PCDHA6: variants seen among roughly 807,000 people sequenced by gnomAD.
PCDHA6 encodes protocadherin alpha-6.
Under a neutral mutation model 60.3 loss-of-function variants are expected in PCDHA6, and 55 were observed. That is an observed-to-expected ratio of 0.91 (90% CI 0.73 to 1.14). The LOEUF is 1.14. Ranked by LOEUF, PCDHA6 falls within the 50% of genes most tolerant of loss-of-function variation. The pLI is 0.00. For missense variants in PCDHA6, 1,327 were observed against 1,256.5 expected (o/e 1.06, Z -0.85); for synonymous variants, 652 against 557.9 (o/e 1.17, Z -2.38).
chr5:140,853,310 T>C lies in PCDHA6; in HGVS notation c.2394+22825T>C, dbSNP rs2042704013. On this transcript the variant is annotated intron_variant, in intron 1 of 3. Coordinates refer to ENST00000529310, the MANE Select transcript of PCDHA6 (RefSeq NM_018909.4). ...ATTCTCAGAAGGGCTGTGAACACCT[T>C]AGTAATAAATTTATCTTTTGAGGTC... The C allele has an allele frequency of 3.0e-6, 3 of 983,796 alleles. 1 individual carries two copies. The highest frequency in any genetic ancestry group is 3.7e-6 in the Non-Finnish European group (3 of 816,256). 60.9% of individuals were successfully genotyped at this position (983,796 alleles called of 1,614,324 possible). A position where few individuals can be genotyped will look rare whatever the true frequency, so the allele number is the denominator to read the frequency against.
chr5:140,945,801 C>T (rs1371269109), intron 1 of PCDHA6, among the ~76,000 whole-genome samples: 2 of 152,026 alleles, frequency 1.3e-5, no homozygotes, highest in East Asian at 3.9e-4. Context: ...GAAACTAGAC[C>T]CTTATCTCAC....
At chr5:140,962,077 G>T (rs2095655013) in intron 1 of PCDHA6, among the ~76,000 whole-genome samples, 1 of 151,866 alleles carries the variant, frequency 6.6e-6, no homozygotes, top group South Asian at 2.1e-4. Flanking sequence ...AGTAGAGACG[G>T]GGTTTCACCA....
chr5:140,849,573 A>T, intron 1 of PCDHA6: 1 of 1,598,648 alleles, frequency 6.3e-7, no homozygotes. Flanking sequence ...GGTTCCTGTA[A>T]AAGAGGACGC....
intron 1 of PCDHA6, among the ~76,000 whole-genome samples, chr5:140,913,111 T>C (rs2076211610): frequency 6.6e-6 from 1 of 152,194 alleles, no homozygotes; most frequent in Non-Finnish European, 1.5e-5. Context: ...TAGAATCAGT[T>C]TGGAAGTTAA....
At position 140,850,688 on chromosome 5, in the gene PCDHA6, G is replaced by T. The variant is rs370343489; in HGVS notation, c.2394+20203G>T. ...GCTCGGCGATGCCCACCGAGGGCGA[G>T]TGCGCGCCTGGCAAGCCGACGCTGG... On this transcript the variant is annotated intron_variant, in intron 1 of 3. Coordinates refer to ENST00000529310, the MANE Select transcript of PCDHA6 (RefSeq NM_018909.4). The T allele has an allele frequency of 5.0e-6, 8 of 1,598,504 alleles. 1 individual carries two copies. Among genetic ancestry groups the T allele is most frequent in the Non-Finnish European group, 6.9e-6 (8 of 1,167,882 alleles).
In PCDHA6 at chr5:140,901,962, G is replaced by A. The variant is rs148280805; in HGVS notation, c.2394+71477G>A. The stretch of plus-strand genomic sequence containing the variant: ...ATATTTAGTTTTATTCGTGGCTATC[G>A]TAAATGGGATTACTTTTTAATTTCA... On this transcript the variant is annotated intron_variant, in intron 1 of 3. Coordinates refer to ENST00000529310, the MANE Select transcript of PCDHA6 (RefSeq NM_018909.4). Among the ~76,000 whole-genome samples, 1,226 of 152,004 alleles carry A rather than the reference G, an allele frequency of 8.1e-3. 6 individuals carry two copies. The highest frequency in any genetic ancestry group is 0.019 in the African/African-American group (785 of 41,468).
intron 1 of PCDHA6, chr5:140,867,711 G>T (rs1202135456): frequency 2.0e-5 from 3 of 151,816 alleles, no homozygotes; most frequent in Non-Finnish European, 2.9e-5. Flanking sequence ...AATCCTAAGG[G>T]TATATGAAAA....
At chr5:140,968,460 C>G (rs1554230749) in intron 1 of PCDHA6, 1 of 1,614,096 alleles carries the variant, frequency 6.2e-7, no homozygotes, top group Non-Finnish European at 8.5e-7. Flanking sequence ...ACTGTGACTG[C>G]CAACGTATAT....
chr5:140,890,915 G>A (rs1169684735), intron 1 of PCDHA6, among the ~76,000 whole-genome samples: 4 of 152,116 alleles, frequency 2.6e-5, no homozygotes, highest in African/African-American at 9.7e-5. Flanking sequence ...AGAATAATTT[G>A]AGAGTTTCCT....
intron 1 of PCDHA6, among the ~76,000 whole-genome samples, chr5:140,937,823 A>T (rs2091776135): frequency 6.6e-6 from 1 of 151,692 alleles, no homozygotes; most frequent in Admixed American, 6.6e-5. Context: ...GAGGCAGGAG[A>T]ATGGCATGAA....
intron 1 of PCDHA6, chr5:140,875,640 G>A (rs782266115): frequency 2.5e-6 from 4 of 1,613,688 alleles, no homozygotes; most frequent in Non-Finnish European, 3.4e-6. Context: ...GGCTGGAGCT[G>A]GCGGAGCTGG....
In PCDHA6 at chr5:140,982,550, C is replaced by T. The variant is rs1554244485; in HGVS notation, c.2529C>T (p.Ser843=). ...CTGATCAGCAGTGGCCAACAGTATC[C>T]AGTGCAACACCAGGTAAAGAGCTGG... The part of the protein sequence containing the change: ...GGPDQQWPTV[S]SATPEPEAGE... The change falls in exon 3 of 4, where the codon TCC becomes TCT. Residue 843 remains serine, a synonymous_variant. Transcript: ENST00000529310. The T allele has an allele frequency of 6.2e-7, 1 of 1,614,176 alleles. No homozygotes were observed. The highest frequency in any genetic ancestry group is 1.7e-5 in the Admixed American group (1 of 60,028).
At position 140,836,012 on chromosome 5, in the gene PCDHA6, G is replaced by A. The variant is rs2150250608; in HGVS notation, c.2394+5527G>A. ...TGAGCGCGCGCGATGCGGGCGTGCC[G>A]CCTCTGGGCAGCAACGTGACGCTGC... On this transcript the variant is annotated intron_variant, in intron 1 of 3. Coordinates refer to ENST00000529310, the MANE Select transcript of PCDHA6 (RefSeq NM_018909.4). 1.8e-5 allele frequency: 29 copies of A among 1,613,192 alleles called. No individual in the cohort carries two copies. In the Admixed American group the frequency reaches 4.3e-4, roughly 24 times the overall value.
intron 1 of PCDHA6, chr5:140,834,259 A>T: frequency 4.2e-6 from 4 of 957,528 alleles, no homozygotes; most frequent in Non-Finnish European, 6.3e-6. Context: ...AAGACGCTCC[A>T]CTCTCTTTCA....
intron 1 of PCDHA6, among the ~76,000 whole-genome samples, chr5:140,897,000 T>C (rs2065833068): frequency 6.6e-6 from 1 of 152,180 alleles, no homozygotes; most frequent in Non-Finnish European, 1.5e-5. Context: ...CTTTTAGTTA[T>C]TTTTAAATAT....
chr5:140,929,736 T>A, intron 1 of PCDHA6: 1 of 201,874 alleles, frequency 5.0e-6, no homozygotes, highest in Non-Finnish European at 1.1e-5. Context: ...CTTAAACTAT[T>A]GCAATGCATT....
chr5:140,966,166 C>T (rs1159533172), intron 1 of PCDHA6: 1 of 179,138 alleles, frequency 5.6e-6, no homozygotes, highest in Non-Finnish European at 1.2e-5. Flanking sequence ...GAGATCTTTT[C>T]CTGGGGAGCT....
At chr5:140,864,648 G>A (rs2048555529) in intron 1 of PCDHA6, 1 of 152,150 alleles carries the variant, frequency 6.6e-6, no homozygotes, top group Non-Finnish European at 1.5e-5. Context: ...AACAATGTCA[G>A]CTCTACTTAA....
rs2150156470 is a variant in PCDHA6 at position 140,828,534 on chromosome 5, C to T, written c.443C>T (p.Pro148Leu). 6.2e-6 allele frequency: 10 copies of T among 1,614,104 alleles called. No homozygotes were observed. The Admixed American group carries it at 1.7e-4, about 27-fold the overall frequency. The change falls in exon 1 of 4, where the codon CCA becomes CTA. Residue 148 changes from proline (P) to leucine (L), a missense_variant. Physicochemically the swap from Pro to Leu is moderately conservative, Grantham distance 98 (BLOSUM62 -3). Transcript: ENST00000529310. ...GTGCTGATTTACGAATCTAGGCTGCCAGATTCTGTGTTTCCACTGGAGGGC... is the reference window on the plus strand; with the variant it reads ...GTGCTGATTTACGAATCTAGGCTGCTAGATTCTGTGTTTCCACTGGAGGGC... ...QRVLIYESRL[P>L]DSVFPLEGAS... is the part of the protein sequence containing the mutation.
Sources: allele counts gnomAD v4.1 joint callset (sites outside exome capture counted in the v4.1 genomes callset), GRCh38; gene constraint gnomAD v4.1.1; transcripts MANE v1.5; gene names NCBI Gene and HGNC (gene_info 2026-07-23, HGNC 2026-07-21).